Variants in CMTM8 observed in about 807,000 individuals in gnomAD.
CMTM8 encodes CKLF like MARVEL transmembrane domain containing 8.
A neutral mutation model predicts 18.6 loss-of-function variants in CMTM8; 12 were observed. The ratio of observed to expected loss-of-function variants is 0.65; its 90% confidence interval spans 0.41 to 1.05. The LOEUF (loss-of-function observed/expected upper bound fraction) is 1.05. Ranked by LOEUF, CMTM8 falls within the 50% of genes least tolerant of loss-of-function variation. CMTM8 has a pLI of 0.00. For synonymous variants in CMTM8, 87 were observed against 90.6 expected, an observed-to-expected ratio of 0.96 and a Z score of 0.23; for missense variants, 217 against 227.2, an observed-to-expected ratio of 0.95 and a Z score of 0.29.
chr3:32,364,887 A>G (rs1452828546), intron 2 of CMTM8, among the ~76,000 whole-genome samples: 2 of 152,328 alleles, frequency 1.3e-5, no homozygotes, highest in Admixed American at 6.5e-5. Flanking sequence ...CCTGGGACTG[A>G]GTTCCAGCTG....
At chr3:32,333,272 G>A (rs1007008212) in intron 1 of CMTM8, among the ~76,000 whole-genome samples, 13 of 152,116 alleles carry the variant, frequency 8.5e-5, no homozygotes, top group Non-Finnish European at 1.9e-4. Flanking sequence ...AAAACCCCTT[G>A]TAGCTTGTGG....
intron 1 of CMTM8, among the ~76,000 whole-genome samples, chr3:32,256,021 C>A (rs911293524): frequency 6.6e-6 from 1 of 152,136 alleles, no homozygotes; most frequent in African/African-American, 2.4e-5. Flanking sequence ...AGCCACCGTG[C>A]CCAGCCAAGA....
At chr3:32,250,497 C>G (rs1702099034) in intron 1 of CMTM8, among the ~76,000 whole-genome samples, 1 of 152,136 alleles carries the variant, frequency 6.6e-6, no homozygotes, top group South Asian at 2.1e-4. Flanking sequence ...ATAACAAGAT[C>G]AAGTCTTATA....
At chr3:32,281,256 C>A (rs959672534) in intron 1 of CMTM8, among the ~76,000 whole-genome samples, 3 of 152,144 alleles carry the variant, frequency 2.0e-5, no homozygotes, top group Admixed American at 6.6e-5. Flanking sequence ...TTCTCTTACC[C>A]ATCAAAAGAA....
At chr3:32,325,547 A>G (rs1324965864) in intron 1 of CMTM8, among the ~76,000 whole-genome samples, 3 of 152,154 alleles carry the variant, frequency 2.0e-5, no homozygotes, top group African/African-American at 7.2e-5. Flanking sequence ...CAGCCAAACT[A>G]TCTCACGCCT....
At chr3:32,305,991 T>A (rs1695708121) in intron 1 of CMTM8, among the ~76,000 whole-genome samples, 1 of 152,238 alleles carries the variant, frequency 6.6e-6, no homozygotes, top group African/African-American at 2.4e-5. Context: ...TTGCTTTGAA[T>A]TGCTTTCCTG....
chr3:32,309,295 T>A (rs1287667089), intron 1 of CMTM8, among the ~76,000 whole-genome samples: 1 of 145,172 alleles, frequency 6.9e-6, no homozygotes, highest in Non-Finnish European at 1.5e-5. Flanking sequence ...TCAACCAATT[T>A]ACCAATTTTT....
intron 1 of CMTM8, among the ~76,000 whole-genome samples, chr3:32,297,005 T>C (rs910990833): frequency 6.6e-6 from 1 of 152,258 alleles, no homozygotes; most frequent in African/African-American, 2.4e-5. Context: ...ATAGGATGGT[T>C]GTTTTTCTGG....
intron 1 of CMTM8, among the ~76,000 whole-genome samples, chr3:32,286,808 A>G (rs760808788): frequency 2.0e-5 from 3 of 152,226 alleles, no homozygotes; most frequent in Non-Finnish European, 4.4e-5. Context: ...AAGAAAGCTT[A>G]CAAATTTGTG....
intron 1 of CMTM8, among the ~76,000 whole-genome samples, chr3:32,270,751 A>C (rs1702427541): frequency 6.6e-6 from 1 of 152,278 alleles, no homozygotes; most frequent in Non-Finnish European, 1.5e-5. Context: ...GGATAGCATT[A>C]GGAGATATAC....
At position 32,238,931 on chromosome 3, in the gene CMTM8, C is replaced by T; in HGVS notation, c.-42C>T. ...GGCCGCGCGTCCAGCCCCAGACCCG[C>T]CGGGGTCCCTGGGGACGCGCCAGCC... On this transcript the variant is annotated 5_prime_UTR_variant, in exon 1 of 4. Coordinates refer to ENST00000307526, the MANE Select transcript of CMTM8 (RefSeq NM_178868.5). The T allele has an allele frequency of 1.3e-6, 2 of 1,531,944 alleles. No individual in the cohort carries two copies. Among genetic ancestry groups the T allele is most frequent in the Non-Finnish European group, 1.8e-6 (2 of 1,138,040 alleles). The allele number at this position is 1,531,944 out of a possible 1,614,324, so 94.9% of individuals were successfully genotyped here.
At chr3:32,245,984 A>G (rs951694326) in intron 1 of CMTM8, among the ~76,000 whole-genome samples, 1 of 152,024 alleles carries the variant, frequency 6.6e-6, no homozygotes, top group Non-Finnish European at 1.5e-5. Flanking sequence ...TGCCTGGCCA[A>G]TTTTTGTATT....
At chr3:32,345,403 G>A (rs955862899) in intron 1 of CMTM8, among the ~76,000 whole-genome samples, 2 of 152,040 alleles carry the variant, frequency 1.3e-5, no homozygotes, top group Admixed American at 1.3e-4. Flanking sequence ...ACATAATCTG[G>A]TACCATTCCA....
chr3:32,319,072 ATATTTTTTTT>A (rs1176020497), intron 1 of CMTM8, among the ~76,000 whole-genome samples: 1 of 24,418 alleles, frequency 4.1e-5, no homozygotes, highest in Non-Finnish European at 7.4e-5. Context: ...ATATATATAT[ATATTTTTTTT>A]TTTTTTTTTT....
At chr3:32,349,555 C>T (rs1696663694) in intron 1 of CMTM8, among the ~76,000 whole-genome samples, 1 of 152,106 alleles carries the variant, frequency 6.6e-6, no homozygotes, top group African/African-American at 2.4e-5. Flanking sequence ...GTAATTTTGC[C>T]TCCCAGAGAA....
At chr3:32,261,799 T>A (rs1440543690) in intron 1 of CMTM8, among the ~76,000 whole-genome samples, 2 of 152,192 alleles carry the variant, frequency 1.3e-5, no homozygotes, top group African/African-American at 4.8e-5. Context: ...GTGAAACAAA[T>A]GCCATCCGAT....
intron 1 of CMTM8, among the ~76,000 whole-genome samples, chr3:32,347,283 T>C (rs898498272): frequency 7.6e-6 from 1 of 131,232 alleles, no homozygotes. Context: ...TGGTTTTTGG[T>C]TTTTTTTGCT....
At chr3:32,312,860 G>A (rs1695847145) in intron 1 of CMTM8, among the ~76,000 whole-genome samples, 1 of 151,794 alleles carries the variant, frequency 6.6e-6, no homozygotes, top group South Asian at 2.1e-4. Flanking sequence ...AAAGGGGCTT[G>A]TTATTAAATA....
At chr3:32,295,693 A>C (rs1202226167) in intron 1 of CMTM8, among the ~76,000 whole-genome samples, 1 of 152,040 alleles carries the variant, frequency 6.6e-6, no homozygotes, top group Non-Finnish European at 1.5e-5. Flanking sequence ...AGTATGATGG[A>C]GGAAACCCAT....
Sources: allele counts gnomAD v4.1 joint callset (sites outside exome capture counted in the v4.1 genomes callset), GRCh38; gene constraint gnomAD v4.1.1; transcripts MANE v1.5; gene names NCBI Gene and HGNC (gene_info 2026-07-23, HGNC 2026-07-21).